PIGL: variants seen among roughly 807,000 people sequenced by gnomAD.
PIGL encodes the protein phosphatidylinositol glycan anchor biosynthesis class L.
A neutral mutation model predicts 31.1 loss-of-function variants in PIGL; 22 were observed. That is an observed-to-expected ratio of 0.71 (90% CI 0.51 to 1.01). PIGL has a LOEUF of 1.01. Among genes scored for constraint, PIGL ranks in the 50% least tolerant of loss-of-function variants. PIGL has a pLI of 0.00. For missense variants in PIGL, 302 were observed against 315.9 expected (o/e 0.96, Z 0.33); for synonymous variants, 131 against 117.4 (o/e 1.12, Z -0.75).
At chr17:16,233,093 G>A (rs1039875595) in intron 1 of PIGL, among the ~76,000 whole-genome samples, 3 of 147,350 alleles carry the variant, frequency 2.0e-5, no homozygotes, top group Admixed American at 1.4e-4. Context: ...CAGCCAGGGC[G>A]ACAGAGCAAG....
At position 16,303,956 on chromosome 17, in the gene PIGL, C is replaced by T. The variant is rs77137994; in HGVS notation, c.426+3978C>T. The stretch of plus-strand genomic sequence containing the variant: ...GTCTCGATCTCCTGACCTCATGATC[C>T]GCCCGCCTCGGCCTCCCAAAGTGCT... On this transcript the variant is annotated intron_variant, in intron 3 of 6. Transcript: ENST00000225609. 7.4e-3 allele frequency among the ~76,000 whole-genome samples: 1,130 copies of T among 152,182 alleles called. 2 individuals are homozygous for T. The highest frequency in any genetic ancestry group is 0.012 in the Non-Finnish European group (816 of 68,016).
intron 6 of PIGL, among the ~76,000 whole-genome samples, chr17:16,320,757 C>A (rs942963873): frequency 6.6e-6 from 1 of 151,762 alleles, no homozygotes; most frequent in Non-Finnish European, 1.5e-5. Flanking sequence ...GTCTCAGCCT[C>A]TCCAGTAACT....
chr17:16,220,342 G>A (rs906047191), intron 1 of PIGL, among the ~76,000 whole-genome samples: 2 of 151,678 alleles, frequency 1.3e-5, no homozygotes, highest in African/African-American at 4.8e-5. Flanking sequence ...GGGAGACTCC[G>A]TCTCAAAAAA....
At chr17:16,299,670 G>A (rs1348818634) in intron 2 of PIGL, among the ~76,000 whole-genome samples, 1 of 152,144 alleles carries the variant, frequency 6.6e-6, no homozygotes, top group Admixed American at 6.6e-5. Flanking sequence ...TCAGCAACAA[G>A]CATAAAGCTC....
intron 5 of PIGL, chr17:16,317,496 T>TA (rs1166751851): frequency 8.6e-7 from 1 of 1,166,662 alleles, no homozygotes; most frequent in Non-Finnish European, 1.1e-6. Flanking sequence ...TCCTTTGGCT[T>TA]TGAGGTAGCC....
chr17:16,268,803 C>T (rs1450760721), intron 2 of PIGL, among the ~76,000 whole-genome samples: 1 of 151,616 alleles, frequency 6.6e-6, no homozygotes, highest in African/African-American at 2.4e-5. Context: ...TGTTCTGTCG[C>T]CCAGGCTGGA....
At chr17:16,265,237 C>CGGTG (rs2092837403) in intron 2 of PIGL, among the ~76,000 whole-genome samples, 1 of 152,102 alleles carries the variant, frequency 6.6e-6, no homozygotes, top group Non-Finnish European at 1.5e-5. Flanking sequence ...AGGTAACTAA[C>CGGTG]GGTGACCTTA....
intron 2 of PIGL, among the ~76,000 whole-genome samples, chr17:16,245,834 C>T (rs1454901187): frequency 2.9e-5 from 4 of 139,986 alleles, no homozygotes; most frequent in African/African-American, 8.3e-5. Context: ...TTTTTTGAGA[C>T]GGAGTCTCGG....
At chr17:16,317,502 T>C in intron 5 of PIGL, 1 of 1,181,348 alleles carries the variant, frequency 8.5e-7, no homozygotes, top group East Asian at 4.0e-5. Context: ...GGCTTTGAGG[T>C]AGCCAGATCT....
intron 6 of PIGL, among the ~76,000 whole-genome samples, chr17:16,319,272 C>A (rs1050212900): frequency 2.8e-4 from 41 of 148,028 alleles, no homozygotes; most frequent in Admixed American, 6.8e-5. Context: ...TGAACATTTT[C>A]TCCTATTTCA....
chr17:16,249,006 T>C lies in PIGL; in HGVS notation c.335+14936T>C, dbSNP rs114901337. ...GGAGACAGATCTCTTCCTTTTCTTATAGCACCACCAGTTCTATCAGATTAG... is the reference window on the plus strand; with the variant it reads ...GGAGACAGATCTCTTCCTTTTCTTACAGCACCACCAGTTCTATCAGATTAG... On this transcript the variant is annotated intron_variant, in intron 2 of 6. Transcript: ENST00000225609. Among the ~76,000 whole-genome samples, 771 of 152,310 alleles carry C rather than the reference T, an allele frequency of 5.1e-3. 8 individuals are homozygous for C. The highest frequency in any genetic ancestry group is 0.017 in the African/African-American group (721 of 41,568).
Position 16,299,955 on chromosome 17 carries a change from A to G in PIGL, c.403A>G (p.Ile135Val), listed in dbSNP as rs563385207. The change falls in exon 3 of 7, where the codon ATA (isoleucine) becomes GTA (valine). Residue 135 changes from isoleucine to valine, a missense_variant. Ile to Val is a conservative substitution (Grantham distance 29). Coordinates refer to ENST00000225609, the MANE Select transcript of PIGL (RefSeq NM_004278.4). The stretch of plus-strand genomic sequence containing the variant: ...CGTGGCCAGAGTCCTCCTTCAGCAC[A>G]TAGAAGTGAATGGCATCAATCTGGT... ...EHVARVLLQHIEVNGINLVVT... is the reference protein window; with the variant it reads ...EHVARVLLQHVEVNGINLVVT... 1.3e-5 allele frequency: 21 copies of G among 1,613,862 alleles called. No individual in the cohort carries two copies. The South Asian group carries it at 1.9e-4, about 14-fold the overall frequency.
chr17:16,282,543 A>G (rs1348768536), intron 2 of PIGL, among the ~76,000 whole-genome samples: 1 of 152,170 alleles, frequency 6.6e-6, no homozygotes, highest in Non-Finnish European at 1.5e-5. Context: ...TGATTTCACA[A>G]AATATCCCTA....
At chr17:16,322,940 G>A (rs2093112126) in intron 6 of PIGL, among the ~76,000 whole-genome samples, 1 of 152,204 alleles carries the variant, frequency 6.6e-6, no homozygotes, top group Admixed American at 6.5e-5. Flanking sequence ...ACAAGAGGCT[G>A]TAATGTGCCT....
chr17:16,229,235 C>G (rs187810672), intron 1 of PIGL, among the ~76,000 whole-genome samples: 204 of 152,178 alleles, frequency 1.3e-3, no homozygotes, highest in African/African-American at 4.8e-3. Context: ...TCTGATCAGT[C>G]TGCTGCATTC....
At chr17:16,312,267 C>T (rs1221583674) in intron 3 of PIGL, 4 of 159,008 alleles carry the variant, frequency 2.5e-5, no homozygotes, top group Non-Finnish European at 5.3e-5. Flanking sequence ...AGAGACGCTC[C>T]TCACCTCCCA....
At chr17:16,258,812 A>AT (rs1191229380) in intron 2 of PIGL, among the ~76,000 whole-genome samples, 1 of 152,098 alleles carries the variant, frequency 6.6e-6, no homozygotes, top group Non-Finnish European at 1.5e-5. Flanking sequence ...GGAAGTAGAC[A>AT]TTTTTTTATT....
chr17:16,245,764 A>G (rs576691276), intron 2 of PIGL, among the ~76,000 whole-genome samples: 2 of 150,960 alleles, frequency 1.3e-5, no homozygotes, highest in South Asian at 4.2e-4. Flanking sequence ...ACATATATAT[A>G]TACATACACA....
At chr17:16,286,794 C>T (rs1442320138) in intron 2 of PIGL, among the ~76,000 whole-genome samples, 1 of 152,128 alleles carries the variant, frequency 6.6e-6, no homozygotes, top group Admixed American at 6.5e-5. Context: ...CGCGCAATGC[C>T]ATCATGTTAA....
Sources: gnomAD v4.1 joint callset for allele counts (sites outside exome capture counted in the v4.1 genomes callset) on GRCh38, gnomAD v4.1.1 for gene constraint, MANE v1.5 for transcripts, NCBI Gene and HGNC (gene_info 2026-07-23, HGNC 2026-07-21) for gene names.